The following ARID1B variants were observed in gnomAD, a reference collection of about 807,000 sequenced individuals.
The protein encoded by ARID1B is AT-rich interaction domain 1B.
Under a neutral mutation model 212.3 loss-of-function variants are expected in ARID1B, and 30 were observed. That is an observed-to-expected ratio of 0.14 (90% CI 0.11 to 0.19). The LOEUF (loss-of-function observed/expected upper bound fraction) is 0.19. ARID1B is among the 10% of genes least tolerant of loss of function. The probability of loss-of-function intolerance (pLI) is 1.00; values close to 1 mark genes in which losing one functional copy is unlikely to be tolerated. For synonymous variants in ARID1B, 1,402 were observed against 1,301.7 expected (o/e 1.08, Z -1.66); for missense variants, 2,891 against 3,204.0 (o/e 0.90, Z 2.36).
intron 8 of ARID1B, among the ~76,000 whole-genome samples, chr6:157,154,547 CTGT>C (rs1458122690): frequency 2.0e-5 from 3 of 148,200 alleles, no homozygotes; most frequent in East Asian, 2.0e-4. Flanking sequence ...TCATCTGGTC[CTGT>C]TGTTGTTCTG....
chr6:157,111,760 T>A (rs1363195100), intron 6 of ARID1B, among the ~76,000 whole-genome samples: 1 of 152,226 alleles, frequency 6.6e-6, no homozygotes, highest in Non-Finnish European at 1.5e-5. Context: ...TTTTTCATTT[T>A]CTAATACCAT....
intron 11 of ARID1B, among the ~76,000 whole-genome samples, chr6:157,177,589 C>G (rs1251705046): frequency 6.6e-6 from 1 of 152,202 alleles, no homozygotes; most frequent in Non-Finnish European, 1.5e-5. Flanking sequence ...CATACACATA[C>G]ACATACACAT....
At chr6:157,017,085 T>A (rs1779958321) in intron 4 of ARID1B, among the ~76,000 whole-genome samples, 1 of 152,230 alleles carries the variant, frequency 6.6e-6, no homozygotes, top group Non-Finnish European at 1.5e-5. Flanking sequence ...AATGGTAAAT[T>A]ACAAATGTAG....
At chr6:157,177,434 G>C (rs2128309922) in intron 11 of ARID1B, among the ~76,000 whole-genome samples, 1 of 152,294 alleles carries the variant, frequency 6.6e-6, no homozygotes, top group Non-Finnish European at 1.5e-5. Flanking sequence ...GCTTAAAATT[G>C]CTCTTAATAG....
intron 4 of ARID1B, among the ~76,000 whole-genome samples, chr6:156,993,157 T>C (rs1562534169): frequency 6.7e-6 from 1 of 149,968 alleles, no homozygotes; most frequent in Non-Finnish European, 1.5e-5. Context: ...TTCTCCTGCC[T>C]CAGCCTCCTG....
At chr6:157,108,941 A>G (rs1786697208) in intron 5 of ARID1B, among the ~76,000 whole-genome samples, 1 of 152,232 alleles carries the variant, frequency 6.6e-6, no homozygotes, top group South Asian at 2.1e-4. Context: ...GAACACTCAG[A>G]AATACATAAA....
intron 4 of ARID1B, among the ~76,000 whole-genome samples, chr6:156,967,072 C>A (rs896083859): frequency 3.3e-5 from 5 of 152,256 alleles, no homozygotes; most frequent in Admixed American, 3.3e-4. Flanking sequence ...TCTTCTCAAT[C>A]TGGTCTTTGT....
chr6:157,087,142 T>G (rs976734758), intron 5 of ARID1B, among the ~76,000 whole-genome samples: 1 of 152,194 alleles, frequency 6.6e-6, no homozygotes, highest in Non-Finnish European at 1.5e-5. Flanking sequence ...GGGAGGAAAT[T>G]AGGCAGCAAA....
At chr6:157,013,558 A>C (rs920409267) in intron 4 of ARID1B, among the ~76,000 whole-genome samples, 8 of 152,212 alleles carry the variant, frequency 5.3e-5, no homozygotes, top group Admixed American at 2.6e-4. Context: ...TTAACACTGA[A>C]AACAGGATCT....
At position 156,779,198 on chromosome 6, in the gene ARID1B, C is replaced by T. The variant is rs747947340; in HGVS notation, c.1518C>T (p.Leu506=). The T allele has an allele frequency of 2.2e-4, 301 of 1,340,914 alleles. 1 individual carries two copies. Among genetic ancestry groups the T allele is most frequent in the South Asian group, 1.0e-3 (54 of 51,602 alleles). The allele number at this position is 1,340,914 out of a possible 1,614,324, so 83.1% of individuals were successfully genotyped here. Residue 506 remains leucine (L), a synonymous_variant, in exon 1 of 20, where the codon CTC becomes CTT. Transcript: ENST00000636930. ...CCACCCCGACCCTCAATCAGCTGCT[C>T]ACCTCGCCCAGCCCCATGATGCGGA... ...SGATPTLNQL[L]TSPSPMMRSY...
At chr6:156,999,903 C>A (rs563393912) in intron 4 of ARID1B, among the ~76,000 whole-genome samples, 2 of 152,258 alleles carry the variant, frequency 1.3e-5, no homozygotes, top group South Asian at 2.1e-4. Flanking sequence ...AGCTTGTGTT[C>A]TAGAAGAGAA....
At chr6:157,027,984 A>G (rs1371178430) in intron 4 of ARID1B, among the ~76,000 whole-genome samples, 1 of 152,242 alleles carries the variant, frequency 6.6e-6, no homozygotes, top group Non-Finnish European at 1.5e-5. Context: ...TTAGGAAAAG[A>G]GTTTATTTAT....
chr6:156,992,965 A>G (rs910917685), intron 4 of ARID1B, among the ~76,000 whole-genome samples: 1 of 152,216 alleles, frequency 6.6e-6, no homozygotes, highest in South Asian at 2.1e-4. Flanking sequence ...AAATCAGTCT[A>G]AAATTCAGAT....
intron 1 of ARID1B, among the ~76,000 whole-genome samples, chr6:156,810,897 AAC>A (rs1781509417): frequency 6.6e-6 from 1 of 152,194 alleles, no homozygotes; most frequent in African/African-American, 2.4e-5. Context: ...GGCTTAAAAG[AAC>A]ACACATCGAT....
At chr6:156,859,271 G>A (rs959273338) in intron 2 of ARID1B, among the ~76,000 whole-genome samples, 1 of 152,126 alleles carries the variant, frequency 6.6e-6, no homozygotes, top group Non-Finnish European at 1.5e-5. Flanking sequence ...CCGCCACCAC[G>A]TGTATGGGAC....
In ARID1B at chr6:156,778,933, G is replaced by A; in HGVS notation, c.1253G>A (p.Gly418Glu). The change falls in exon 1 of 20, where the codon GGA becomes GAA. Residue 418 changes from glycine (G) to glutamate (E), a missense_variant. Coordinates refer to ENST00000636930, the MANE Select transcript of ARID1B (RefSeq NM_001374828.1). ...GGGGAGAGGA[G>E]AGAVAAAAAA... is the part of the protein sequence containing the mutation. ...GGAGGAGCAGGAGCAGGAGGAGCAGGAGCGGGAGCTGTGGCGGCGGCGGCC... is the reference window on the plus strand; with the variant it reads ...GGAGGAGCAGGAGCAGGAGGAGCAGAAGCGGGAGCTGTGGCGGCGGCGGCC... 7.6e-7 allele frequency: 1 copy of A among 1,308,068 alleles called. No homozygotes were observed. The highest frequency in any genetic ancestry group is 9.7e-7 in the Non-Finnish European group (1 of 1,036,118). 81.0% of individuals were successfully genotyped at this position (1,308,068 alleles called of 1,614,324 possible).
intron 4 of ARID1B, among the ~76,000 whole-genome samples, chr6:156,944,783 G>A (rs566094248): frequency 2.3e-4 from 35 of 152,126 alleles, no homozygotes; most frequent in Non-Finnish European, 3.7e-4. Context: ...TTTTTAAACC[G>A]AGATTGACAT....
rs773082217 is a variant in ARID1B, at chr6:157,181,066, C to G, written c.3602C>G (p.Thr1201Ser). 6 of 1,614,064 alleles carry G rather than the reference C, an allele frequency of 3.7e-6. No homozygotes were observed. In the Admixed American group the frequency reaches 8.3e-5, roughly 22 times the overall value. The change falls in exon 12 of 20, where the codon ACC becomes AGC. Residue 1201 changes from threonine to serine, a missense_variant. By Grantham distance (58) the Thr-to-Ser change is moderately conservative. Transcript: ENST00000636930. ...AAGCTCTGGGTCGACCGATACCTCA[C>G]CTTCATGGAAGAGAGAGGCTCTCCT... ...ERKLWVDRYLTFMEERGSPVS... is the reference protein window; with the variant it reads ...ERKLWVDRYLSFMEERGSPVS...
intron 4 of ARID1B, among the ~76,000 whole-genome samples, chr6:156,993,623 A>G (rs751584373): frequency 1.3e-5 from 2 of 152,218 alleles, no homozygotes; most frequent in Non-Finnish European, 2.9e-5. Context: ...CATTGAAGTT[A>G]TATACCTAAG....
Sources: gnomAD v4.1 joint callset for allele counts (sites outside exome capture counted in the v4.1 genomes callset) on GRCh38, gnomAD v4.1.1 for gene constraint, MANE v1.5 for transcripts, NCBI Gene and HGNC (gene_info 2026-07-23, HGNC 2026-07-21) for gene names.